FUT8: variants seen among roughly 807,000 people sequenced by gnomAD.
The protein encoded by FUT8 is fucosyltransferase 8.
In FUT8, 29 loss-of-function variants were observed where a neutral mutation model predicts 71.3. The observed-to-expected ratio is 0.41, with a 90% CI of 0.30 to 0.55. The LOEUF is 0.55. FUT8 is among the 20% of genes least tolerant of loss of function. FUT8 has a pLI of 0.34. For synonymous variants in FUT8, 254 were observed against 239.3 expected (o/e 1.06, Z -0.57); for missense variants, 544 against 702.1 (o/e 0.77, Z 2.55).
intron 3 of FUT8, among the ~76,000 whole-genome samples, chr14:65,585,092 T>C (rs1427702370): frequency 6.6e-6 from 1 of 152,220 alleles, no homozygotes; most frequent in East Asian, 1.9e-4. Flanking sequence ...GGATGTTTGC[T>C]CCTGCACGCT....
At chr14:65,508,278 T>G (rs1245346075) in intron 2 of FUT8, among the ~76,000 whole-genome samples, 1 of 151,850 alleles carries the variant, frequency 6.6e-6, no homozygotes, top group East Asian at 1.9e-4. Flanking sequence ...TTCACCATGT[T>G]GCCGAGGCTG....
At chr14:65,498,396 T>C (rs2066593089) in intron 2 of FUT8, among the ~76,000 whole-genome samples, 1 of 152,210 alleles carries the variant, frequency 6.6e-6, no homozygotes, top group Non-Finnish European at 1.5e-5. Flanking sequence ...ACTTTAATAA[T>C]TCTTATGGGT....
At chr14:65,619,474 A>G (rs1176470419) in intron 5 of FUT8, among the ~76,000 whole-genome samples, 1 of 152,126 alleles carries the variant, frequency 6.6e-6, no homozygotes, top group Non-Finnish European at 1.5e-5. Context: ...CAAATATCAT[A>G]AGTTTGATCT....
At chr14:65,415,132 T>G (rs561579162) in intron 1 of FUT8, among the ~76,000 whole-genome samples, 28 of 152,314 alleles carry the variant, frequency 1.8e-4, no homozygotes, top group Middle Eastern at 3.4e-3. Flanking sequence ...GAAAAAACTG[T>G]TAACTTATTA....
Position 65,703,036 on chromosome 14 carries a change from C to T in FUT8, c.836-18739C>T, listed in dbSNP as rs60907454. ...CTGGGATTACAGACGTTAGCCACTG[C>T]GCCCGGCCTAGGGTAGAAAATTTTA... On this transcript the variant is annotated intron_variant, in intron 7 of 10. Transcript: ENST00000673929. Among the ~76,000 whole-genome samples, 927 of 152,278 alleles carry T rather than the reference C, an allele frequency of 6.1e-3. 11 individuals carry two copies. The highest frequency in any genetic ancestry group is 0.021 in the African/African-American group (866 of 41,548).
chr14:65,541,428 G>A (rs1316277865), intron 2 of FUT8, among the ~76,000 whole-genome samples: 1 of 152,202 alleles, frequency 6.6e-6, no homozygotes, highest in Non-Finnish European at 1.5e-5. Flanking sequence ...CAAGGTCTAA[G>A]TCTCAGTTCA....
At chr14:65,634,635 A>C (rs1272834779) in intron 6 of FUT8, among the ~76,000 whole-genome samples, 5 of 151,144 alleles carry the variant, frequency 3.3e-5, no homozygotes, top group Non-Finnish European at 7.4e-5. Context: ...AGTTGGCTGT[A>C]AGTTTTTGGC....
intron 7 of FUT8, among the ~76,000 whole-genome samples, chr14:65,714,375 A>G (rs1157431664): frequency 6.6e-6 from 1 of 152,068 alleles, no homozygotes; most frequent in East Asian, 1.9e-4. Context: ...CTTTCTGCTT[A>G]GGACAGCTTT....
chr14:65,648,193 C>A (rs1891202171), intron 6 of FUT8, among the ~76,000 whole-genome samples: 1 of 152,208 alleles, frequency 6.6e-6, no homozygotes, highest in Non-Finnish European at 1.5e-5. Context: ...AAATGTACAG[C>A]CTGCAAAGCC....
At chr14:65,624,437 A>G (rs1889788059) in intron 5 of FUT8, among the ~76,000 whole-genome samples, 1 of 152,236 alleles carries the variant, frequency 6.6e-6, no homozygotes, top group Admixed American at 6.5e-5. Flanking sequence ...TTATTAAAAA[A>G]AGTAGAGATC....
chr14:65,502,757 T>G lies in FUT8; in HGVS notation c.-228+47039T>G, dbSNP rs139750156. On this transcript the variant is annotated intron_variant, in intron 2 of 10. Coordinates refer to ENST00000673929, the MANE Select transcript of FUT8 (RefSeq NM_001371533.1). ...AGTGGTAACCAACCTCTGAAAAGAT[T>G]ATGCCTTTTTTACTCATTCAAAAAT... is the stretch of plus-strand genomic sequence containing the variant. 6.6e-4 allele frequency among the ~76,000 whole-genome samples: 101 copies of G among 152,334 alleles called. 2 individuals are homozygous for G. The East Asian group carries it at 0.016, about 24-fold the overall frequency.
chr14:65,379,050 T>C, the FUT8 span, among the ~76,000 whole-genome samples: 2 of 151,730 alleles, frequency 1.3e-5, no homozygotes, highest in Non-Finnish European at 2.9e-5. Flanking sequence ...TTTCATCATA[T>C]TGGTCAGGCT....
At chr14:65,509,200 G>A (rs1182617972) in intron 2 of FUT8, among the ~76,000 whole-genome samples, 1 of 151,922 alleles carries the variant, frequency 6.6e-6, no homozygotes, top group Non-Finnish European at 1.5e-5. Context: ...TGCCATGTAT[G>A]TTTTTGGCAC....
intron 2 of FUT8, among the ~76,000 whole-genome samples, chr14:65,534,697 T>C (rs12878731): frequency 9.2e-5 from 14 of 152,142 alleles, no homozygotes; most frequent in African/African-American, 3.4e-4. Flanking sequence ...TTCTAGACTT[T>C]CTAGTTTTTG....
chr14:65,400,498 C>T, the FUT8 span, among the ~76,000 whole-genome samples: 3 of 152,258 alleles, frequency 2.0e-5, no homozygotes, highest in South Asian at 2.1e-4. Flanking sequence ...CAGGGGTATA[C>T]GACTTCTGTT....
rs1167816304 is a variant in FUT8 at position 65,467,421 on chromosome 14, C to T, written c.-228+11703C>T. Among the ~76,000 whole-genome samples the T allele has an allele frequency of 6.6e-6, 1 of 152,090 alleles. No individual in the cohort carries two copies. Among genetic ancestry groups the T allele is most frequent in the Non-Finnish European group, 1.5e-5 (1 of 68,006 alleles). ...CAAGCGATTCTCCTGCCTCAGCCTC[C>T]TAAGTAGCTGGGACTACAGGTGCGC... On this transcript the variant is annotated intron_variant, in intron 2 of 10. Coordinates refer to ENST00000673929, the MANE Select transcript of FUT8 (RefSeq NM_001371533.1). This position sits in a 1 kb window ranked among gnomAD's most constrained non-coding sequence, Gnocchi z 4.1.
At position 65,669,710 on chromosome 14, in the gene FUT8, G is replaced by GT. The variant is rs1333547245; in HGVS notation, c.835+237dup. Among the ~76,000 whole-genome samples the GT allele has an allele frequency of 6.6e-6, 1 of 151,966 alleles. No homozygotes were observed. Among genetic ancestry groups the GT allele is most frequent in the East Asian group, 1.9e-4 (1 of 5,192 alleles). On this transcript the variant is annotated intron_variant, in intron 7 of 10. Coordinates refer to ENST00000673929, the MANE Select transcript of FUT8 (RefSeq NM_001371533.1). This position sits in a 1 kb window ranked among gnomAD's most constrained non-coding sequence, Gnocchi z 4.5. Reference sequence around the variant, plus strand: ...TATGTGAATTTAGCAAAATCACTGAGTTTTTTTCAGGGAGCATAATTTAAT... The same window carrying GT: ...TATGTGAATTTAGCAAAATCACTGAGTTTTTTTTCAGGGAGCATAATTTAAT...
intron 2 of FUT8, among the ~76,000 whole-genome samples, chr14:65,463,728 G>A (rs1281662119): frequency 6.6e-6 from 1 of 152,070 alleles, no homozygotes; most frequent in East Asian, 1.9e-4. Flanking sequence ...ATTAAACTCT[G>A]TTCCTTGTAC....
intron 7 of FUT8, among the ~76,000 whole-genome samples, chr14:65,670,809 C>T (rs576989696): frequency 6.6e-6 from 1 of 152,254 alleles, no homozygotes; most frequent in Non-Finnish European, 1.5e-5. Context: ...TTGAGTTGCT[C>T]TGCAAGAGGT....
Sources: allele counts gnomAD v4.1 joint callset (sites outside exome capture counted in the v4.1 genomes callset), GRCh38; gene constraint gnomAD v4.1.1; non-coding constraint Gnocchi (gnomAD v3.1); transcripts MANE v1.5; gene names NCBI Gene and HGNC (gene_info 2026-07-23, HGNC 2026-07-21).